Variants in PTGS1 observed in about 807,000 individuals in gnomAD.
The protein encoded by PTGS1 is prostaglandin-endoperoxide synthase 1.
A neutral mutation model predicts 63.0 loss-of-function variants in PTGS1; 40 were observed. The ratio of observed to expected loss-of-function variants is 0.63; its 90% CI spans 0.49 to 0.83. PTGS1 has a LOEUF of 0.83. Ranked by LOEUF, PTGS1 falls within the 40% of genes least tolerant of loss-of-function variation. PTGS1 has a pLI of 0.00. For synonymous variants in PTGS1, 298 were observed against 301.9 expected (o/e 0.99, Z 0.13); for missense variants, 709 against 786.5 (o/e 0.90, Z 1.18).
Position 122,386,518 on chromosome 9 carries a change from A to G in PTGS1, c.1082A>G (p.Asp361Gly). The change falls in exon 9 of 11, where the codon GAC (aspartate) becomes GGC (glycine). Residue 361 changes from aspartate to glycine, a missense_variant. Asp to Gly is a moderately conservative substitution (Grantham distance 94, BLOSUM62 -1). Coordinates refer to ENST00000362012, the MANE Select transcript of PTGS1 (RefSeq NM_000962.4). Reference sequence around the variant, plus strand: ...GGCTATTTCCTGCAGCTGAAATTTGACCCAGAGCTGCTGTTCGGTGTCCAG... The same window carrying G: ...GGCTATTTCCTGCAGCTGAAATTTGGCCCAGAGCTGCTGTTCGGTGTCCAG... The part of the protein sequence containing the change: ...LSGYFLQLKF[D>G]PELLFGVQFQ... 1 of 1,614,054 alleles carries G rather than the reference A, an allele frequency of 6.2e-7. No homozygotes were observed. Among genetic ancestry groups the G allele is most frequent in the Non-Finnish European group, 8.5e-7 (1 of 1,180,006 alleles).
In PTGS1 at chr9:122,375,405, G is replaced by T. The variant is rs180951372; in HGVS notation, c.95-2494G>T. On this transcript the variant is annotated intron_variant, in intron 2 of 10. Coordinates refer to ENST00000362012, the MANE Select transcript of PTGS1 (RefSeq NM_000962.4). Reference sequence around the variant, plus strand: ...CGGCTCCACCTCAGACAGCTGTTGAGGGCCTGGAAGATGAGGGACTCCTTT... The same window carrying T: ...CGGCTCCACCTCAGACAGCTGTTGATGGCCTGGAAGATGAGGGACTCCTTT... The T allele has an allele frequency of 3.1e-4, 305 of 985,524 alleles. No homozygotes were observed. The African/African-American group carries it at 5.0e-3, about 16-fold the overall frequency. 61.0% of individuals were successfully genotyped at this position (985,524 alleles called of 1,614,324 possible).
intron 5 of PTGS1, among the ~76,000 whole-genome samples, chr9:122,380,823 C>A (rs1462002266): frequency 6.6e-6 from 1 of 152,146 alleles, no homozygotes; most frequent in East Asian, 1.9e-4. Flanking sequence ...TATCATTTGC[C>A]CCTTTTTAAA....
chr9:122,387,778 G>A (rs923760119), intron 9 of PTGS1, among the ~76,000 whole-genome samples: 4 of 152,158 alleles, frequency 2.6e-5, no homozygotes, highest in Admixed American at 2.0e-4. Context: ...CTCTTTCCCT[G>A]GAATTCCCAG....
intron 10 of PTGS1, among the ~76,000 whole-genome samples, chr9:122,391,386 CATATATATAT>C (rs1325859491): frequency 3.3e-4 from 23 of 70,708 alleles, no homozygotes; most frequent in African/African-American, 2.3e-3. Flanking sequence ...TATATATATA[CATATATATAT>C]ACATATATAT....
At position 122,394,554 on chromosome 9, in the gene PTGS1, C is replaced by CTAT. The variant is rs1838469305; in HGVS notation, c.*2012_*2014dup. ...TGTGTCCTGTCCTTTCTTGCAGATT[C>CTAT]TATTTCCCCTCTTCTGCTAATACCT... is the stretch of plus-strand genomic sequence containing the variant. On this transcript the variant is annotated 3_prime_UTR_variant, in exon 11 of 11. Coordinates refer to ENST00000362012, the MANE Select transcript of PTGS1 (RefSeq NM_000962.4). The CTAT allele has an allele frequency of 6.6e-6, 1 of 152,192 alleles. No individual in the cohort carries two copies. The highest frequency in any genetic ancestry group is 2.1e-4 in the South Asian group (1 of 4,822). The allele number at this position is 152,192 out of a possible 1,614,324, so 9.4% of individuals were successfully genotyped here.
Position 122,391,282 on chromosome 9 carries a change from A to G in PTGS1, c.1445-907A>G, listed in dbSNP as rs905409308. 1.2e-4 allele frequency among the ~76,000 whole-genome samples: 18 copies of G among 144,456 alleles called. No individual in the cohort carries two copies. In the East Asian group the frequency reaches 3.0e-3, roughly 24 times the overall value. 94.8% of individuals were successfully genotyped at this position (144,456 alleles called of 152,430 possible). On this transcript the variant is annotated intron_variant, in intron 10 of 10. Coordinates refer to ENST00000362012, the MANE Select transcript of PTGS1 (RefSeq NM_000962.4). The stretch of plus-strand genomic sequence containing the variant: ...AGTATATATACATATATATCAATAT[A>G]TACATATACATATCAATACATATAT...
At chr9:122,377,397 C>T (rs1004147138) in intron 2 of PTGS1, among the ~76,000 whole-genome samples, 2 of 151,970 alleles carry the variant, frequency 1.3e-5, no homozygotes, top group African/African-American at 4.8e-5. Context: ...TGAGGGATCT[C>T]GTTTTCCTAG....
At chr9:122,375,988 G>A (rs1837125779) in intron 2 of PTGS1, among the ~76,000 whole-genome samples, 1 of 152,088 alleles carries the variant, frequency 6.6e-6, no homozygotes, top group Non-Finnish European at 1.5e-5. Flanking sequence ...GGGTGCTACA[G>A]GGGCTCCTGG....
At position 122,374,378 on chromosome 9, in the gene PTGS1, G is replaced by T. The variant is rs567503143; in HGVS notation, c.94+3106G>T. On this transcript the variant is annotated intron_variant, in intron 2 of 10. Coordinates refer to ENST00000362012, the MANE Select transcript of PTGS1 (RefSeq NM_000962.4). Reference sequence around the variant, plus strand: ...GCCCGCCTGCTAAACCCCCTTCATGGGATATACAGAAAAATGAGGCTCCAG... The same window carrying T: ...GCCCGCCTGCTAAACCCCCTTCATGTGATATACAGAAAAATGAGGCTCCAG... 7.9e-5 allele frequency among the ~76,000 whole-genome samples: 12 copies of T among 152,216 alleles called. No individual in the cohort carries two copies. In the South Asian group the frequency reaches 2.5e-3, roughly 32 times the overall value.
intron 8 of PTGS1, 103 bp downstream of exon 8, chr9:122,383,858 C>T: frequency 6.8e-7 from 1 of 1,478,668 alleles, no homozygotes; most frequent in Non-Finnish European, 9.1e-7. Context: ...TTAGAATCCT[C>T]ACCCTTCTGC....
At position 122,378,782 on chromosome 9, in the gene PTGS1, C is replaced by A. The variant is rs1264696246; in HGVS notation, c.360C>A (p.Ser120=). The change falls in exon 5 of 11, where the codon TCC becomes TCA. Residue 120 remains serine (S), a synonymous_variant. Transcript: ENST00000362012. The part of the protein sequence containing the change: ...MLMRLVLTVR[S]NLIPSPPTYN... ...TATTTTTGCTCTCTGCAGTGCGCTC[C>A]AACCTTATCCCCAGTCCCCCCACCT... 6.2e-7 allele frequency: 1 copy of A among 1,614,096 alleles called. No homozygotes were observed.
In PTGS1 at chr9:122,391,399, A is replaced by G. The variant is rs113657749; in HGVS notation, c.1445-790A>G. ...TATATATATATACATATATATATACATATATATATACATATATATATATAT... is the reference window on the plus strand; with the variant it reads ...TATATATATATACATATATATATACGTATATATATACATATATATATATAT... On this transcript the variant is annotated intron_variant, in intron 10 of 10. Coordinates refer to ENST00000362012, the MANE Select transcript of PTGS1 (RefSeq NM_000962.4). 1.7e-4 allele frequency among the ~76,000 whole-genome samples: 12 copies of G among 70,866 alleles called. No individual in the cohort carries two copies. The East Asian group carries it at 2.8e-3, about 16-fold the overall frequency. The allele number at this position is 70,866 out of a possible 152,430, so 46.5% of individuals were successfully genotyped here.
intron 2 of PTGS1, 115 bp from the exon 3 acceptor site, chr9:122,377,784 G>A: frequency 1.1e-6 from 1 of 898,044 alleles, no homozygotes; most frequent in Non-Finnish European, 1.8e-6. Context: ...CAGTGATTCA[G>A]GACGGAGCTG....
upstream of PTGS1, chr9:122,370,918 G>A (rs948187359): frequency 4.4e-6 from 5 of 1,142,412 alleles, no homozygotes; most frequent in African/African-American, 4.7e-5. Context: ...TGCCTTGGCC[G>A]GGGCTGGGCA....
chr9:122,385,983 G>A (rs1265966008), intron 8 of PTGS1, among the ~76,000 whole-genome samples: 2 of 152,106 alleles, frequency 1.3e-5, no homozygotes, highest in Non-Finnish European at 2.9e-5. Flanking sequence ...AAATGGAAGA[G>A]GCCAAACAAA....
chr9:122,380,959 T>C (rs1837475038), intron 5 of PTGS1, among the ~76,000 whole-genome samples: 8 of 152,212 alleles, frequency 5.3e-5, no homozygotes. Context: ...GTTTGTTTTT[T>C]TCTGTTTCTT....
chr9:122,380,732 G>A (rs1837459636), intron 5 of PTGS1, among the ~76,000 whole-genome samples: 1 of 152,156 alleles, frequency 6.6e-6, no homozygotes, highest in Non-Finnish European at 1.5e-5. Flanking sequence ...GCTGACCTAT[G>A]ATTTAAAAAA....
chr9:122,392,200 A>G lies in PTGS1; in HGVS notation c.1456A>G (p.Met486Val). ...SFQELVGEKE[M>V]AAELEELYGD... Reference sequence around the variant, plus strand: ...TTATCTCCTTGTAGGAGAGAAGGAGATGGCAGCAGAGTTGGAGGAATTGTA... The same window carrying G: ...TTATCTCCTTGTAGGAGAGAAGGAGGTGGCAGCAGAGTTGGAGGAATTGTA... Residue 486 changes from methionine to valine, a missense_variant, in exon 11 of 11, where the codon ATG (methionine) becomes GTG (valine). By Grantham distance (21) the Met-to-Val change is conservative (BLOSUM62 1). Transcript: ENST00000362012. The G allele has an allele frequency of 6.3e-7, 1 of 1,586,864 alleles. No individual in the cohort carries two copies. Among genetic ancestry groups the G allele is most frequent in the South Asian group, 1.1e-5 (1 of 88,206 alleles).
At chr9:122,384,393 G>A (rs537173895) in intron 8 of PTGS1, among the ~76,000 whole-genome samples, 18 of 152,276 alleles carry the variant, frequency 1.2e-4, no homozygotes, top group South Asian at 8.3e-4. Context: ...ACTGGGCATG[G>A]CTGGTCCCAA....
Sources: gnomAD v4.1 joint callset for allele counts (sites outside exome capture counted in the v4.1 genomes callset) on GRCh38, gnomAD v4.1.1 for gene constraint, MANE v1.5 for transcripts, NCBI Gene and HGNC (gene_info 2026-07-23, HGNC 2026-07-21) for gene names.